The following KSR1 variants were observed in gnomAD, a reference collection of about 807,000 sequenced individuals.
KSR1 encodes the protein kinase suppressor of ras 1, also known as kinase suppressor of ras.
Under a neutral mutation model 92.9 loss-of-function variants are expected in KSR1, and 35 were observed. That is an observed-to-expected ratio of 0.38 (90% CI 0.29 to 0.50). The LOEUF (loss-of-function observed/expected upper bound fraction) is 0.50, where lower values mean the gene tolerates loss of function less well. Ranked by LOEUF, KSR1 falls within the 20% of genes least tolerant of loss-of-function variation. The pLI is 0.94. For synonymous variants in KSR1, 467 were observed against 472.6 expected (o/e 0.99, Z 0.15); for missense variants, 972 against 1,158.5 (o/e 0.84, Z 2.34).
chr17:27,552,274 A>C (rs149615011), intron 2 of KSR1, among the ~76,000 whole-genome samples: 92 of 152,300 alleles, frequency 6.0e-4, no homozygotes, highest in African/African-American at 2.1e-3. Flanking sequence ...GAGCACCATG[A>C]GACACGGCCT....
intron 1 of KSR1, among the ~76,000 whole-genome samples, chr17:27,496,106 A>C (rs1251968900): frequency 6.6e-6 from 1 of 152,102 alleles, no homozygotes; most frequent in Non-Finnish European, 1.5e-5. Context: ...AGCATTATGA[A>C]TCTCTTTTGG....
chr17:27,569,040 T>C (rs2072200214), intron 2 of KSR1, among the ~76,000 whole-genome samples: 1 of 152,254 alleles, frequency 6.6e-6, no homozygotes, highest in South Asian at 2.1e-4. Flanking sequence ...ACTTTTCCTT[T>C]TGAATGTTCT....
intron 1 of KSR1, among the ~76,000 whole-genome samples, chr17:27,542,499 G>T (rs747483321): frequency 1.3e-5 from 2 of 152,158 alleles, no homozygotes; most frequent in Non-Finnish European, 2.9e-5. Flanking sequence ...TTGGCATCTG[G>T]CTGCTAACAT....
chr17:27,508,947 T>C (rs1225820752), intron 1 of KSR1, among the ~76,000 whole-genome samples: 1 of 151,840 alleles, frequency 6.6e-6, no homozygotes, highest in Non-Finnish European at 1.5e-5. Flanking sequence ...GCCAGGCTGG[T>C]TTCAAACTCT....
intron 1 of KSR1, among the ~76,000 whole-genome samples, chr17:27,548,168 G>T (rs1309151535): frequency 6.6e-6 from 1 of 151,532 alleles, no homozygotes; most frequent in African/African-American, 2.4e-5. Flanking sequence ...GGCTGAGGTG[G>T]GAGGATTGCT....
chr17:27,527,038 G>C (rs1402975430), intron 1 of KSR1: 2 of 468,864 alleles, frequency 4.3e-6, no homozygotes, highest in African/African-American at 3.9e-5. Context: ...GGCAGGGACA[G>C]CTCGGCTGAG....
At chr17:27,503,947 G>A (rs1219886805) in intron 1 of KSR1, among the ~76,000 whole-genome samples, 1 of 152,202 alleles carries the variant, frequency 6.6e-6, no homozygotes, top group East Asian at 1.9e-4. Flanking sequence ...CCATGGCATA[G>A]CCTATGCAAT....
At chr17:27,515,694 G>C (rs2069766472) in intron 1 of KSR1, among the ~76,000 whole-genome samples, 1 of 149,084 alleles carries the variant, frequency 6.7e-6, no homozygotes, top group African/African-American at 2.5e-5. Flanking sequence ...TAGAAACCTG[G>C]TTCTTTTCAC....
intron 1 of KSR1, among the ~76,000 whole-genome samples, chr17:27,533,044 A>G (rs138850821): frequency 5.6e-4 from 86 of 152,298 alleles, no homozygotes; most frequent in African/African-American, 1.5e-3. Context: ...GATGCCCAGC[A>G]TTGGCCTGAT....
chr17:27,550,991 C>T (rs1224521928), intron 2 of KSR1, among the ~76,000 whole-genome samples: 2 of 152,214 alleles, frequency 1.3e-5, no homozygotes, highest in Non-Finnish European at 1.5e-5. Context: ...GAAGCATTGG[C>T]TGTGTGGCAG....
chr17:27,530,559 C>T (rs1022284954), intron 1 of KSR1, among the ~76,000 whole-genome samples: 2 of 152,152 alleles, frequency 1.3e-5, no homozygotes, highest in Non-Finnish European at 2.9e-5. Context: ...GTACGTCTAC[C>T]GTGGGCTCCT....
intron 4 of KSR1, among the ~76,000 whole-genome samples, chr17:27,584,290 G>A (rs1487696970): frequency 6.6e-6 from 1 of 152,166 alleles, no homozygotes; most frequent in Non-Finnish European, 1.5e-5. Context: ...GGGCCTTGGA[G>A]TCATCTTTGG....
At chr17:27,556,354 C>T (rs140238649) in intron 2 of KSR1, among the ~76,000 whole-genome samples, 200 of 152,108 alleles carry the variant, frequency 1.3e-3, no homozygotes, top group African/African-American at 4.6e-3. Context: ...GCTGGGACTG[C>T]AGATGTGCGC....
intron 1 of KSR1, among the ~76,000 whole-genome samples, chr17:27,545,452 A>G (rs1206829408): frequency 1.3e-5 from 2 of 152,184 alleles, no homozygotes; most frequent in Non-Finnish European, 2.9e-5. Flanking sequence ...TTGGGAAGCT[A>G]ACACAAGAGG....
intron 1 of KSR1, among the ~76,000 whole-genome samples, chr17:27,531,763 C>T (rs1045076843): frequency 2.0e-5 from 3 of 152,234 alleles, no homozygotes; most frequent in African/African-American, 7.2e-5. Context: ...GTAACATTGC[C>T]TAGGTTCACC....
intron 1 of KSR1, among the ~76,000 whole-genome samples, chr17:27,545,167 T>A (rs1398764634): frequency 6.6e-6 from 1 of 152,190 alleles, no homozygotes; most frequent in East Asian, 1.9e-4. Context: ...GTTCTACCCA[T>A]GGGCCTGCTT....
intron 12 of KSR1, among the ~76,000 whole-genome samples, chr17:27,604,467 C>T (rs1356922643): frequency 6.6e-6 from 1 of 152,212 alleles, no homozygotes; most frequent in East Asian, 1.9e-4. Context: ...CCCCACCACC[C>T]TCAAGTTAGC....
intron 1 of KSR1, among the ~76,000 whole-genome samples, chr17:27,540,341 C>T (rs1390284885): frequency 6.6e-6 from 1 of 152,224 alleles, no homozygotes; most frequent in African/African-American, 2.4e-5. Context: ...TCAGACTTTG[C>T]ATTCCCAGTG....
rs189288930 is a variant in KSR1 at position 27,541,638 on chromosome 17, G to A, written c.232-8930G>A. Among the ~76,000 whole-genome samples, 243 of 152,338 alleles carry A rather than the reference G, an allele frequency of 1.6e-3. 2 individuals are homozygous for A. The highest frequency in any genetic ancestry group is 5.3e-3 in the African/African-American group (222 of 41,574). ...CTTGTACCAGTCAAGACAGCTTAGG[G>A]TGTGGGTTGCAGGAGTCATTATTTT... On this transcript the variant is annotated intron_variant, in intron 1 of 20. Coordinates refer to ENST00000644974, the MANE Select transcript of KSR1 (RefSeq NM_001394583.1).
Sources: gnomAD v4.1 joint callset for allele counts (sites outside exome capture counted in the v4.1 genomes callset) on GRCh38, gnomAD v4.1.1 for gene constraint, MANE v1.5 for transcripts, NCBI Gene and HGNC (gene_info 2026-07-23, HGNC 2026-07-21) for gene names.